Variants in KPNA6 observed in about 807,000 individuals in gnomAD.
The protein encoded by KPNA6 is karyopherin subunit alpha 6, also known as importin subunit alpha-7.
KPNA6 carries 9 observed loss-of-function variants against 72.0 expected under a neutral mutation model. The observed-to-expected ratio is 0.13, with a 90% confidence interval of 0.08 to 0.22. The LOEUF is 0.22. Among genes scored for constraint, KPNA6 ranks in the 10% least tolerant of loss-of-function variants. KPNA6 has a pLI of 1.00. For synonymous variants in KPNA6, 219 were observed against 242.1 expected (o/e 0.90, Z 0.89); for missense variants, 374 against 655.7 (o/e 0.57, Z 4.69).
In KPNA6 at chr1:32,163,268, G is replaced by A. The variant is rs750118908; in HGVS notation, c.945G>A (p.Leu315=). ...HNDYKVASPA[L]RAVGNIVTGD... ...ATTACAAAGTGGCTTCTCCTGCCCTGAGAGCCGTGGGTAACATCGTCACTG... is the reference window on the plus strand; with the variant it reads ...ATTACAAAGTGGCTTCTCCTGCCCTAAGAGCCGTGGGTAACATCGTCACTG... The change falls in exon 10 of 14, where the codon CTG becomes CTA. Residue 315 remains leucine, a synonymous_variant. Coordinates refer to ENST00000373625, the MANE Select transcript of KPNA6 (RefSeq NM_012316.5). 2 of 1,613,538 alleles carry A rather than the reference G, an allele frequency of 1.2e-6. No individual in the cohort carries two copies. The highest frequency in any genetic ancestry group is 2.2e-5 in the East Asian group (1 of 44,882).
At position 32,163,531 on chromosome 1, in the gene KPNA6, A is replaced by G. The variant is rs112626169; in HGVS notation, c.990+218A>G. On this transcript the variant is annotated intron_variant, in intron 10 of 13. Transcript: ENST00000373625. ...CCTTCTTTTCTTACATAAATTGGGA[A>G]CAAATCATCGTCTAATGGGTGAAGG... 4.7e-4 allele frequency among the ~76,000 whole-genome samples: 72 copies of G among 152,316 alleles called. 1 individual carries two copies. Among genetic ancestry groups the G allele is most frequent in the Non-Finnish European group, 7.1e-4 (48 of 68,016 alleles).
At chr1:32,128,379 A>T (rs1641570340) in intron 1 of KPNA6, among the ~76,000 whole-genome samples, 1 of 97,512 alleles carries the variant, frequency 1.0e-5, no homozygotes, top group Non-Finnish European at 2.0e-5. Flanking sequence ...TTTATATTAT[A>T]TATGTATTTA....
rs1023774434 is a variant in KPNA6, at chr1:32,173,237, G to A, written c.*2343G>A. 1 of 394,296 alleles carries A rather than the reference G, an allele frequency of 2.5e-6. No individual in the cohort carries two copies. Among genetic ancestry groups the A allele is most frequent in the African/African-American group, 2.1e-5 (1 of 47,800 alleles). The allele number at this position is 394,296 out of a possible 1,614,324, so 24.4% of individuals were successfully genotyped here. On this transcript the variant is annotated 3_prime_UTR_variant, in exon 14 of 14. Coordinates refer to ENST00000373625, the MANE Select transcript of KPNA6 (RefSeq NM_012316.5). ...CTCCGCCCATTGTTCTCTTCCAAAG[G>A]GCAATTTAGTAGGATCTACTTTGTA...
chr1:32,140,420 A>G (rs548828376), intron 1 of KPNA6, among the ~76,000 whole-genome samples: 30 of 152,278 alleles, frequency 2.0e-4, no homozygotes, highest in Non-Finnish European at 3.8e-4. Context: ...TTATTATGGG[A>G]TACATACTAA....
intron 1 of KPNA6, among the ~76,000 whole-genome samples, chr1:32,109,168 C>T (rs868713969): frequency 2.2e-4 from 33 of 152,114 alleles, no homozygotes; most frequent in African/African-American, 7.5e-4. Context: ...TAGTTTGTAA[C>T]TGCTGTTTGT....
rs1050455137 is a variant in KPNA6, at chr1:32,162,630, T to G, written c.911+106T>G. The stretch of plus-strand genomic sequence containing the variant: ...GGTGGGCGGATCACAAGGTCAGGAG[T>G]TCGAGACCAGCCTGACCAACATGGT... On this transcript the variant is annotated intron_variant, in intron 9 of 13. Coordinates refer to ENST00000373625, the MANE Select transcript of KPNA6 (RefSeq NM_012316.5). 13 of 1,204,948 alleles carry G rather than the reference T, an allele frequency of 1.1e-5. No individual in the cohort carries two copies. In the African/African-American group the frequency reaches 1.7e-4, roughly 15 times the overall value. 74.6% of individuals were successfully genotyped at this position (1,204,948 alleles called of 1,614,324 possible).
intron 1 of KPNA6, among the ~76,000 whole-genome samples, chr1:32,132,114 GTA>G (rs1491294835): frequency 6.6e-6 from 1 of 151,842 alleles, no homozygotes; most frequent in Non-Finnish European, 1.5e-5. Context: ...GGGATTACAG[GTA>G]TGCACCACCA....
At chr1:32,110,523 G>A (rs547257210) in intron 1 of KPNA6, among the ~76,000 whole-genome samples, 3 of 152,250 alleles carry the variant, frequency 2.0e-5, no homozygotes, top group South Asian at 2.1e-4. Flanking sequence ...CCACAATAAT[G>A]TTTTTCTTCC....
At chr1:32,114,371 G>A (rs1393943759) in intron 1 of KPNA6, among the ~76,000 whole-genome samples, 1 of 151,498 alleles carries the variant, frequency 6.6e-6, no homozygotes, top group African/African-American at 2.4e-5. Context: ...AACCTGGGAG[G>A]TGGAGGTTGC....
rs76068882 is a variant in KPNA6, at chr1:32,173,719, A to G, written c.*2825A>G. The G allele has an allele frequency of 1.3e-5, 2 of 152,356 alleles. No homozygotes were observed. Among genetic ancestry groups the G allele is most frequent in the African/African-American group, 2.4e-5 (1 of 41,562 alleles). The allele number at this position is 152,356 out of a possible 1,614,324, so 9.4% of individuals were successfully genotyped here. A position where few individuals can be genotyped will look rare whatever the true frequency, so the allele number is the denominator to read the frequency against. The stretch of plus-strand genomic sequence containing the variant: ...CACTGTTTGTGGACAGTCTTCATCT[A>G]GATTCCATACCCTGGCCTAGGCGAG... On this transcript the variant is annotated 3_prime_UTR_variant, in exon 14 of 14. Transcript: ENST00000373625.
chr1:32,131,251 G>A (rs540270545), intron 1 of KPNA6, among the ~76,000 whole-genome samples: 4 of 152,268 alleles, frequency 2.6e-5, no homozygotes, highest in Non-Finnish European at 4.4e-5. Context: ...CCGAGATTGC[G>A]CCATTGCACT....
chr1:32,161,525 C>G (rs1367529445), intron 7 of KPNA6, among the ~76,000 whole-genome samples: 2 of 152,124 alleles, frequency 1.3e-5, no homozygotes, highest in Non-Finnish European at 2.9e-5. Flanking sequence ...TTTCTTGGAC[C>G]CTTCACAGAA....
In KPNA6 at chr1:32,134,251, C is replaced by T. The variant is rs146818774; in HGVS notation, c.5-20337C>T. ...CAGCCTTGGTGACAGTACAACACTT[C>T]GTCTCAAAAAAAAAAAAAAAATTCT... is the stretch of plus-strand genomic sequence containing the variant. On this transcript the variant is annotated intron_variant, in intron 1 of 13. Coordinates refer to ENST00000373625, the MANE Select transcript of KPNA6 (RefSeq NM_012316.5). 6.1e-3 allele frequency among the ~76,000 whole-genome samples: 862 copies of T among 142,458 alleles called. 1 individual carries two copies. Among genetic ancestry groups the T allele is most frequent in the Middle Eastern group, 0.031 (9 of 288 alleles). The allele number at this position is 142,458 out of a possible 152,430, so 93.5% of individuals were successfully genotyped here.
At chr1:32,134,188 C>T (rs1466027632) in intron 1 of KPNA6, among the ~76,000 whole-genome samples, 4 of 149,054 alleles carry the variant, frequency 2.7e-5, no homozygotes, top group Admixed American at 1.3e-4. Context: ...ACCCAGGAGG[C>T]GGAGGTTGCA....
At chr1:32,111,779 T>C (rs1483974211) in intron 1 of KPNA6, among the ~76,000 whole-genome samples, 1 of 152,170 alleles carries the variant, frequency 6.6e-6, no homozygotes, top group Non-Finnish European at 1.5e-5. Flanking sequence ...CCTACACTAT[T>C]TCTACTATGC....
At chr1:32,147,653 T>TC in intron 1 of KPNA6, among the ~76,000 whole-genome samples, 1 of 105,374 alleles carries the variant, frequency 9.5e-6, no homozygotes, top group South Asian at 4.3e-4. Context: ...TTCTTTTCTT[T>TC]TTTTTTTTTT....
At chr1:32,157,500 T>G (rs1007350948) in intron 4 of KPNA6, 55 bp downstream of exon 4, 3 of 1,268,246 alleles carry the variant, frequency 2.4e-6, no homozygotes, top group Non-Finnish European at 3.5e-6. Flanking sequence ...CTCTTTTCTC[T>G]TCACTGATGT....
intron 1 of KPNA6, among the ~76,000 whole-genome samples, chr1:32,133,702 A>C (rs917822987): frequency 1.3e-5 from 2 of 151,954 alleles, no homozygotes; most frequent in Non-Finnish European, 2.9e-5. Context: ...AACAAAACAA[A>C]AAAGCAAAGT....
At chr1:32,128,424 T>TGC (rs1641578322) in intron 1 of KPNA6, among the ~76,000 whole-genome samples, 1 of 113,248 alleles carries the variant, frequency 8.8e-6, no homozygotes, top group South Asian at 2.9e-4. Context: ...TATATATATA[T>TGC]ATACACACAC....
Sources: gnomAD v4.1 joint callset for allele counts (sites outside exome capture counted in the v4.1 genomes callset) on GRCh38, gnomAD v4.1.1 for gene constraint, MANE v1.5 for transcripts, NCBI Gene and HGNC (gene_info 2026-07-23, HGNC 2026-07-21) for gene names.